Variants in ZNF804B observed in about 807,000 individuals in gnomAD.
ZNF804B encodes the protein zinc finger 804B.
Under a neutral mutation model 101.4 loss-of-function variants are expected in ZNF804B, and 80 were observed. That is an observed-to-expected ratio of 0.79 (90% CI 0.66 to 0.95). The LOEUF is 0.95. ZNF804B is among the 40% of genes least tolerant of loss of function. The pLI, the probability that ZNF804B is intolerant of heterozygous loss-of-function variation, is 0.00. For synonymous variants in ZNF804B, 622 were observed against 558.8 expected, an observed-to-expected ratio of 1.11 and a Z score of -1.59; for missense variants, 1,673 against 1,561.9, an observed-to-expected ratio of 1.07 and a Z score of -1.20.
intron 1 of ZNF804B, among the ~76,000 whole-genome samples, chr7:89,111,539 G>T (rs1005156065): frequency 1.3e-5 from 2 of 152,178 alleles, no homozygotes; most frequent in Admixed American, 1.3e-4. Context: ...TGAGTTGTCT[G>T]TTGAGAGTTT....
At chr7:89,038,893 A>C (rs1788969288) in intron 1 of ZNF804B, among the ~76,000 whole-genome samples, 1 of 152,102 alleles carries the variant, frequency 6.6e-6, no homozygotes, top group African/African-American at 2.4e-5. Flanking sequence ...CAGTTTTCCC[A>C]GTACCATTTA....
chr7:88,893,734 G>A (rs967437906), intron 1 of ZNF804B, among the ~76,000 whole-genome samples: 2 of 152,094 alleles, frequency 1.3e-5, no homozygotes, highest in Admixed American at 6.6e-5. Flanking sequence ...AATGTGAAGC[G>A]ACATTTTGAA....
intron 1 of ZNF804B, among the ~76,000 whole-genome samples, chr7:88,763,014 A>G (rs1004639396): frequency 1.3e-5 from 2 of 152,300 alleles, no homozygotes; most frequent in African/African-American, 4.8e-5. Flanking sequence ...CAGAAAGGAG[A>G]AAGCTACAAT....
At chr7:88,890,723 T>C (rs1255738425) in intron 1 of ZNF804B, among the ~76,000 whole-genome samples, 1 of 152,192 alleles carries the variant, frequency 6.6e-6, no homozygotes, top group Admixed American at 6.5e-5. Context: ...GGTGGATACA[T>C]ATAACTGCAT....
At chr7:88,872,376 C>A (rs1335615523) in intron 1 of ZNF804B, among the ~76,000 whole-genome samples, 1 of 152,050 alleles carries the variant, frequency 6.6e-6, no homozygotes, top group Non-Finnish European at 1.5e-5. Flanking sequence ...ATGATTGCGC[C>A]ACTTCACTCC....
chr7:89,251,634 G>T (rs531965270), intron 2 of ZNF804B, among the ~76,000 whole-genome samples: 1 of 151,744 alleles, frequency 6.6e-6, no homozygotes, highest in African/African-American at 2.4e-5. Flanking sequence ...AGCCAAAATA[G>T]CTCTTCAAAC....
intron 2 of ZNF804B, among the ~76,000 whole-genome samples, chr7:89,303,044 A>G (rs1259120963): frequency 6.6e-6 from 1 of 151,944 alleles, no homozygotes; most frequent in African/African-American, 2.4e-5. Flanking sequence ...GAATTACTAT[A>G]TTAAACCAAA....
chr7:88,985,714 A>G (rs982559598), intron 1 of ZNF804B, among the ~76,000 whole-genome samples: 1 of 152,146 alleles, frequency 6.6e-6, no homozygotes, highest in Middle Eastern at 3.2e-3. Context: ...CATACTTTGT[A>G]TATAGGGCAA....
At chr7:89,332,962 TA>T (rs1432568895) in intron 3 of ZNF804B, among the ~76,000 whole-genome samples, 2 of 151,906 alleles carry the variant, frequency 1.3e-5, no homozygotes, top group Non-Finnish European at 2.9e-5. Flanking sequence ...AAAATTTTTA[TA>T]TTTTTAAAGT....
At chr7:88,821,034 A>AT (rs1398207136) in intron 1 of ZNF804B, among the ~76,000 whole-genome samples, 1 of 152,188 alleles carries the variant, frequency 6.6e-6, no homozygotes. Context: ...TCAAACCTCC[A>AT]TGGGTATCTC....
Position 88,759,980 on chromosome 7 carries a change from G to T in ZNF804B, c.4G>T (p.Ala2Ser). ...CTGCGCCTCCGCCCGGACCCACATG[G>T]CTTGTTACCTGGTCATCAGTTCGAG... M[A>S]CYLVISSRHL... Residue 2 changes from alanine to serine, a missense_variant, in exon 1 of 4, where the codon GCT becomes TCT. Transcript: ENST00000333190. 1 of 1,614,136 alleles carries T rather than the reference G, an allele frequency of 6.2e-7. No homozygotes were observed. The highest frequency in any genetic ancestry group is 1.1e-5 in the South Asian group (1 of 91,084).
intron 1 of ZNF804B, among the ~76,000 whole-genome samples, chr7:89,095,859 T>C (rs1234413870): frequency 6.6e-6 from 1 of 152,140 alleles, no homozygotes; most frequent in Admixed American, 6.5e-5. Flanking sequence ...ACAGTGCATC[T>C]CTATAGAACT....
chr7:88,771,676 A>G (rs1790065714), intron 1 of ZNF804B, among the ~76,000 whole-genome samples: 1 of 152,148 alleles, frequency 6.6e-6, no homozygotes, highest in Non-Finnish European at 1.5e-5. Context: ...GCACAAATGA[A>G]TGGATTTATG....
At chr7:89,080,716 A>G (rs997590863) in intron 1 of ZNF804B, among the ~76,000 whole-genome samples, 1 of 151,928 alleles carries the variant, frequency 6.6e-6, no homozygotes, top group African/African-American at 2.4e-5. Flanking sequence ...AGCATGCTCA[A>G]TCTAGAAATC....
chr7:89,018,786 G>A (rs1467134758), intron 1 of ZNF804B, among the ~76,000 whole-genome samples: 2 of 151,946 alleles, frequency 1.3e-5, no homozygotes, highest in African/African-American at 4.8e-5. Context: ...GTTGGATACA[G>A]TTGTTCATTA....
chr7:89,168,213 T>C, intron 1 of ZNF804B, among the ~76,000 whole-genome samples: 1 of 152,116 alleles, frequency 6.6e-6, no homozygotes, highest in East Asian at 1.9e-4. Context: ...ATAAGCTTTT[T>C]CAGTAGTAAC....
intron 1 of ZNF804B, among the ~76,000 whole-genome samples, chr7:88,901,903 C>T (rs1792396994): frequency 6.6e-6 from 1 of 151,806 alleles, no homozygotes; most frequent in South Asian, 2.1e-4. Context: ...TGGTATGATA[C>T]TAAAACCTAA....
chr7:89,317,601 T>G (rs1446142295), intron 2 of ZNF804B, among the ~76,000 whole-genome samples: 1 of 152,194 alleles, frequency 6.6e-6, no homozygotes, highest in East Asian at 1.9e-4. Context: ...AAGAAACGGA[T>G]GCATTTTGCA....
chr7:89,057,518 C>CATTA (rs965934392), intron 1 of ZNF804B, among the ~76,000 whole-genome samples: 1 of 150,262 alleles, frequency 6.7e-6, no homozygotes, highest in Non-Finnish European at 1.5e-5. Flanking sequence ...TTTAAAAACT[C>CATTA]ATTAATTAAT....
Sources: allele counts gnomAD v4.1 joint callset (sites outside exome capture counted in the v4.1 genomes callset), GRCh38; gene constraint gnomAD v4.1.1; transcripts MANE v1.5; gene names NCBI Gene and HGNC (gene_info 2026-07-23, HGNC 2026-07-21).